The following NAV2 variants were observed in gnomAD, a reference collection of about 807,000 sequenced individuals.
The protein encoded by NAV2 is helicase, APC down-regulated 1.
Under a neutral mutation model 223.2 loss-of-function variants are expected in NAV2, and 54 were observed. The observed-to-expected ratio is 0.24, with a 90% confidence interval of 0.19 to 0.30. The LOEUF is 0.30. Ranked by LOEUF, NAV2 falls within the 10% of genes least tolerant of loss-of-function variation. NAV2 has a pLI of 1.00. For synonymous variants in NAV2, 1,279 were observed against 1,239.3 expected (o/e 1.03, Z -0.67); for missense variants, 2,806 against 3,147.5 (o/e 0.89, Z 2.60).
intron 1 of NAV2, among the ~76,000 whole-genome samples, chr11:19,739,006 C>T (rs550929225): frequency 1.3e-4 from 19 of 146,622 alleles, no homozygotes; most frequent in African/African-American, 3.9e-4. Context: ...CATGGTGAAA[C>T]GCCATCACTA....
chr11:19,607,653 C>G (rs1565095670), intron 1 of NAV2, among the ~76,000 whole-genome samples: 2 of 152,174 alleles, frequency 1.3e-5, no homozygotes, highest in South Asian at 2.1e-4. Context: ...CTTGGAGTCT[C>G]TAATGAAAGG....
chr11:20,043,732 G>A (rs1703783081), intron 12 of NAV2: 4 of 439,738 alleles, frequency 9.1e-6, no homozygotes, highest in Non-Finnish European at 1.6e-5. Flanking sequence ...GTGAGCCACT[G>A]TGCCCAGCCA....
chr11:20,067,698 C>T (rs1238539814), intron 20 of NAV2, among the ~76,000 whole-genome samples: 1 of 150,876 alleles, frequency 6.6e-6, no homozygotes, highest in Non-Finnish European at 1.5e-5. Context: ...CCATGTTGGC[C>T]AGGCTGGTCT....
intron 1 of NAV2, among the ~76,000 whole-genome samples, chr11:19,793,157 G>A (rs1219216653): frequency 1.4e-5 from 2 of 143,570 alleles, no homozygotes; most frequent in African/African-American, 2.6e-5. Flanking sequence ...GCAGTGAGCC[G>A]AGATCATGTC....
chr11:19,997,437 C>T (rs563793765), intron 11 of NAV2, among the ~76,000 whole-genome samples: 8 of 152,204 alleles, frequency 5.3e-5, no homozygotes, highest in Admixed American at 2.0e-4. Flanking sequence ...TAAACTCTAC[C>T]GTAGGACTCT....
rs1281262051 is a variant in NAV2, at chr11:19,831,229, G to GC, written c.268-1255_268-1254insC. 1.2e-4 allele frequency among the ~76,000 whole-genome samples: 12 copies of GC among 100,162 alleles called. 1 individual carries two copies. The highest frequency in any genetic ancestry group is 2.0e-4 in the Non-Finnish European group (9 of 44,540). 65.7% of individuals were successfully genotyped at this position (100,162 alleles called of 152,430 possible). ...TCCCATTCCAGGAGTGTTGCGGGGG[G>GC]GGGGGGGGCGCGATGGGGAGTGGGG... On this transcript the variant is annotated intron_variant, in intron 1 of 37. Transcript: ENST00000349880.
rs199889859 is a variant in NAV2 at position 19,934,310 on chromosome 11, A to G, written c.2033+33A>G. On this transcript the variant is annotated intron_variant, in intron 7 of 37. Coordinates refer to ENST00000349880, the MANE Select transcript of NAV2 (RefSeq NM_145117.5). ...CTGCCACCCACCTGTGCTGCCTGGG[A>G]CATTGGGTAAAAGTTCCTTTATAGT... 3.4e-5 allele frequency: 52 copies of G among 1,526,262 alleles called. 1 individual carries two copies. In the East Asian group the frequency reaches 1.0e-3, roughly 29 times the overall value. The allele number at this position is 1,526,262 out of a possible 1,614,324, so 94.5% of individuals were successfully genotyped here. A position where few individuals can be genotyped will look rare whatever the true frequency, so the allele number is the denominator to read the frequency against.
intron 6 of NAV2, among the ~76,000 whole-genome samples, chr11:19,907,454 T>C (rs1168582038): frequency 6.6e-6 from 1 of 152,218 alleles, no homozygotes; most frequent in Non-Finnish European, 1.5e-5. Context: ...ATATCCACCC[T>C]GTTATCTTTT....
At chr11:19,971,804 G>A (rs1397341384) in intron 10 of NAV2, among the ~76,000 whole-genome samples, 1 of 152,206 alleles carries the variant, frequency 6.6e-6, no homozygotes, top group African/African-American at 2.4e-5. Flanking sequence ...CTGGGTTCAA[G>A]CAATTCTCCT....
chr11:19,396,540 C>A (rs1271301400), intron 1 of NAV2, among the ~76,000 whole-genome samples: 3 of 152,182 alleles, frequency 2.0e-5, no homozygotes, highest in African/African-American at 7.2e-5. Flanking sequence ...ACTATGAGAT[C>A]CATGAAGTCT....
chr11:19,688,842 G>A (rs2049091611), intron 1 of NAV2, among the ~76,000 whole-genome samples: 1 of 152,182 alleles, frequency 6.6e-6, no homozygotes, highest in African/African-American at 2.4e-5. Flanking sequence ...GTTAGCCTGG[G>A]ATAGTCTCGG....
intron 1 of NAV2, chr11:19,503,059 T>C (rs1217726213): frequency 6.6e-6 from 1 of 152,252 alleles, no homozygotes; most frequent in Non-Finnish European, 1.5e-5. Flanking sequence ...ATGATCATGA[T>C]GTGTGGACAC....
intron 1 of NAV2, among the ~76,000 whole-genome samples, chr11:19,412,273 C>T (rs901598818): frequency 6.6e-6 from 1 of 152,144 alleles, no homozygotes. Context: ...TTTGAGTAGG[C>T]GGTTTTCCCC....
chr11:19,586,991 G>A (rs2045920492), intron 1 of NAV2, among the ~76,000 whole-genome samples: 1 of 152,242 alleles, frequency 6.6e-6, no homozygotes, highest in South Asian at 2.1e-4. Context: ...GTCTACAGAG[G>A]CAGGCAGGCC....
intron 1 of NAV2, among the ~76,000 whole-genome samples, chr11:19,421,007 CTG>C (rs1352986261): frequency 1.3e-5 from 2 of 152,216 alleles, no homozygotes; most frequent in African/African-American, 4.8e-5. Flanking sequence ...AACTAGATCT[CTG>C]AGGATGTTGC....
intron 1 of NAV2, among the ~76,000 whole-genome samples, chr11:19,729,970 A>G (rs1190163475): frequency 6.6e-6 from 1 of 152,180 alleles, no homozygotes; most frequent in Admixed American, 6.5e-5. Flanking sequence ...GATGTTTGTA[A>G]TCTAGCCTCC....
intron 6 of NAV2, among the ~76,000 whole-genome samples, chr11:19,912,128 A>T (rs1389943288): frequency 6.6e-6 from 1 of 152,204 alleles, no homozygotes. Context: ...GTTTGGTAGT[A>T]GTTCTTCAAC....
chr11:19,836,857 C>T (rs754885053), intron 2 of NAV2, among the ~76,000 whole-genome samples: 30 of 152,298 alleles, frequency 2.0e-4, no homozygotes, highest in Middle Eastern at 3.4e-3. Flanking sequence ...GGGCCCACTT[C>T]CTCATTTGCA....
At chr11:19,486,477 G>C (rs1014166739) in intron 1 of NAV2, among the ~76,000 whole-genome samples, 3 of 152,100 alleles carry the variant, frequency 2.0e-5, no homozygotes, top group African/African-American at 7.2e-5. Flanking sequence ...AGGTAATCAC[G>C]GGGGCGGTTA....
Sources: gnomAD v4.1 joint callset for allele counts (sites outside exome capture counted in the v4.1 genomes callset) on GRCh38, gnomAD v4.1.1 for gene constraint, MANE v1.5 for transcripts, NCBI Gene and HGNC (gene_info 2026-07-23, HGNC 2026-07-21) for gene names.